The following SGCG variants were observed in gnomAD, a reference collection of about 807,000 sequenced individuals.
SGCG encodes gamma-sarcoglycan.
A neutral mutation model predicts 29.3 loss-of-function variants in SGCG; 26 were observed. The observed-to-expected ratio is 0.89, with a 90% CI of 0.65 to 1.23. The LOEUF (loss-of-function observed/expected upper bound fraction) is 1.23. SGCG is among the 50% of genes most tolerant of loss of function. SGCG has a pLI of 0.00. For missense variants in SGCG, 353 were observed against 356.0 expected (o/e 0.99, Z 0.07); for synonymous variants, 145 against 129.7 (o/e 1.12, Z -0.80).
chr13:23,256,075 A>G (rs559353139), intron 4 of SGCG, among the ~76,000 whole-genome samples: 1 of 152,332 alleles, frequency 6.6e-6, no homozygotes, highest in Non-Finnish European at 1.5e-5. Flanking sequence ...AAGCTAGTTG[A>G]CAATAACCTA....
intron 2 of SGCG, among the ~76,000 whole-genome samples, chr13:23,211,112 A>G (rs574583899): frequency 6.6e-6 from 1 of 152,322 alleles, no homozygotes; most frequent in South Asian, 2.1e-4. Context: ...CTTGCACCCC[A>G]GAATTAGAAA....
At chr13:23,224,596 A>C (rs890818760) in intron 2 of SGCG, among the ~76,000 whole-genome samples, 2 of 152,094 alleles carry the variant, frequency 1.3e-5, no homozygotes, top group Non-Finnish European at 2.9e-5. Flanking sequence ...AGCCTACACT[A>C]CATGGGCAAA....
chr13:23,263,097 G>T (rs1362152189), intron 4 of SGCG, among the ~76,000 whole-genome samples: 1 of 150,986 alleles, frequency 6.6e-6, no homozygotes, highest in Non-Finnish European at 1.5e-5. Context: ...AGGAACTAGA[G>T]AAACAAGAAT....
At chr13:23,307,513 G>C (rs542552983) in intron 6 of SGCG, among the ~76,000 whole-genome samples, 1 of 152,238 alleles carries the variant, frequency 6.6e-6, no homozygotes, top group African/African-American at 2.4e-5. Context: ...GATTACTGTG[G>C]GATGGTGCCA....
In SGCG at chr13:23,295,448, A is replaced by T. The variant is rs114160429; in HGVS notation, c.539A>T (p.Glu180Val). ...GGGGCTCTTTTTGAACATTCAGTGG[A>T]GACACCCCTTGTCAGAGCCGACCCG... The part of the protein sequence containing the change: ...PEGALFEHSV[E>V]TPLVRADPFQ... The change falls in exon 6 of 8, where the codon GAG (glutamate) becomes GTG (valine). Residue 180 changes from glutamate to valine, a missense_variant. By Grantham distance (121) the Glu-to-Val change is moderately radical (BLOSUM62 -2). Transcript: ENST00000218867. 1.6e-4 allele frequency: 262 copies of T among 1,614,048 alleles called. No individual in the cohort carries two copies. In the African/African-American group the frequency reaches 3.3e-3, roughly 21 times the overall value.
chr13:23,162,237 A>T, the SGCG span, among the ~76,000 whole-genome samples: 3 of 152,232 alleles, frequency 2.0e-5, no homozygotes, highest in African/African-American at 7.2e-5. Flanking sequence ...TACACACACT[A>T]TTACATTTTA....
intron 4 of SGCG, among the ~76,000 whole-genome samples, chr13:23,274,144 A>T (rs1037398837): frequency 6.6e-6 from 1 of 151,994 alleles, no homozygotes; most frequent in African/African-American, 2.4e-5. Flanking sequence ...CTTGAATTCC[A>T]CTTTGTCTGA....
chr13:23,297,432 C>T (rs920467903), intron 6 of SGCG, among the ~76,000 whole-genome samples: 2 of 152,036 alleles, frequency 1.3e-5, no homozygotes, highest in African/African-American at 2.4e-5. Flanking sequence ...TAACAGCAAG[C>T]GAGTCATTAG....
chr13:23,239,032 A>G (rs937334660), intron 3 of SGCG, among the ~76,000 whole-genome samples: 2 of 152,152 alleles, frequency 1.3e-5, no homozygotes, highest in Non-Finnish European at 2.9e-5. Flanking sequence ...AAGAAGAAAG[A>G]AGAGAGGACA....
the SGCG span, among the ~76,000 whole-genome samples, chr13:23,175,250 GA>G: frequency 1.3e-5 from 2 of 152,200 alleles, no homozygotes; most frequent in Admixed American, 1.3e-4. Flanking sequence ...AGGTAAGTAT[GA>G]AAAGGATGAG....
In SGCG at chr13:23,234,705, C is replaced by T; in HGVS notation, c.290C>T (p.Ser97Phe). The change falls in exon 3 of 8, where the codon TCC (serine) becomes TTC (phenylalanine). Residue 97 changes from serine (S) to phenylalanine (F), a missense_variant. Ser to Phe is a radical substitution (Grantham distance 155). Coordinates refer to ENST00000218867, the MANE Select transcript of SGCG (RefSeq NM_000231.3). ...LFPLYAKEIHSRVDSSLLLQS... is the reference protein window; with the variant it reads ...LFPLYAKEIHFRVDSSLLLQS... ...CCATTGTATGCCAAAGAAATACACTCCAGAGTGGTAAGAAAATGTTAAGAC... is the reference window on the plus strand; with the variant it reads ...CCATTGTATGCCAAAGAAATACACTTCAGAGTGGTAAGAAAATGTTAAGAC... The T allele has an allele frequency of 6.4e-7, 1 of 1,567,666 alleles. No homozygotes were observed. The highest frequency in any genetic ancestry group is 8.8e-7 in the Non-Finnish European group (1 of 1,138,396).
the SGCG span, among the ~76,000 whole-genome samples, chr13:23,167,357 A>G: frequency 2.0e-5 from 3 of 152,196 alleles, no homozygotes; most frequent in South Asian, 2.1e-4. Context: ...TAACAGTGCT[A>G]CAACAAACAT....
chr13:23,215,773 T>G (rs997146947), intron 2 of SGCG, among the ~76,000 whole-genome samples: 1 of 150,988 alleles, frequency 6.6e-6, no homozygotes, highest in Non-Finnish European at 1.5e-5. Context: ...GATGATTTAG[T>G]AGGTGTTAAT....
chr13:23,297,073 G>A (rs139819462), intron 6 of SGCG, among the ~76,000 whole-genome samples: 54 of 152,118 alleles, frequency 3.5e-4, no homozygotes, highest in African/African-American at 1.0e-3. Context: ...CAGACAAGCC[G>A]GCTGACCATG....
At chr13:23,316,411 G>A (rs1882812304) in intron 6 of SGCG, among the ~76,000 whole-genome samples, 1 of 152,136 alleles carries the variant, frequency 6.6e-6, no homozygotes, top group African/African-American at 2.4e-5. Context: ...TGCAGCAGTG[G>A]GCTCATGCTC....
intron 4 of SGCG, among the ~76,000 whole-genome samples, chr13:23,257,151 G>A (rs537017492): frequency 6.6e-6 from 1 of 152,192 alleles, no homozygotes; most frequent in South Asian, 2.1e-4. Context: ...ATTTTTTCAT[G>A]TGTCTGTTAG....
chr13:23,322,440 C>T (rs1309953215), intron 7 of SGCG, among the ~76,000 whole-genome samples: 8 of 152,160 alleles, frequency 5.3e-5, no homozygotes, highest in African/African-American at 1.4e-4. Flanking sequence ...CAAAGGGCCT[C>T]GATCCCCCAT....
chr13:23,222,537 A>AT (rs1878711328), intron 2 of SGCG, among the ~76,000 whole-genome samples: 2 of 151,956 alleles, frequency 1.3e-5, no homozygotes, highest in African/African-American at 4.8e-5. Context: ...TAAGAAGAGC[A>AT]TTTCTTGGCC....
Position 23,240,747 on chromosome 13 carries a change from A to C in SGCG, c.297+6035A>C, listed in dbSNP as rs528320304. Among the ~76,000 whole-genome samples, 10 of 152,344 alleles carry C rather than the reference A, an allele frequency of 6.6e-5. No homozygotes were observed. The East Asian group carries it at 1.3e-3, about 21-fold the overall frequency. ...AAAGAAGAAATCCAAAGGGAAATTA[A>C]ACAGTATTTTGAACTGAATGACAAT... is the stretch of plus-strand genomic sequence containing the variant. On this transcript the variant is annotated intron_variant, in intron 3 of 7. Transcript: ENST00000218867.
Sources: allele counts gnomAD v4.1 joint callset (sites outside exome capture counted in the v4.1 genomes callset), GRCh38; gene constraint gnomAD v4.1.1; transcripts MANE v1.5; gene names NCBI Gene and HGNC (gene_info 2026-07-23, HGNC 2026-07-21).